LDLRAD3: variants seen among roughly 807,000 people sequenced by gnomAD.
The protein encoded by LDLRAD3 is low density lipoprotein receptor class A domain containing 3.
In LDLRAD3, 20 loss-of-function variants were observed where a neutral mutation model predicts 29.4. The observed-to-expected ratio is 0.68, with a 90% CI of 0.48 to 0.99. The LOEUF (loss-of-function observed/expected upper bound fraction) is 0.99, where lower values mean the gene tolerates loss of function less well. LDLRAD3 is among the 50% of genes least tolerant of loss of function. The probability of loss-of-function intolerance (pLI) is 0.00; values close to 1 mark genes in which losing one functional copy is unlikely to be tolerated. For missense variants in LDLRAD3, 420 were observed against 454.3 expected (o/e 0.92, Z 0.69); for synonymous variants, 157 against 192.7 (o/e 0.81, Z 1.53).
At chr11:36,183,564 A>G (rs1211366925) in intron 4 of LDLRAD3, among the ~76,000 whole-genome samples, 1 of 152,186 alleles carries the variant, frequency 6.6e-6, no homozygotes, top group Non-Finnish European at 1.5e-5. Flanking sequence ...TACCACCTAG[A>G]TGTCACTACT....
intron 3 of LDLRAD3, among the ~76,000 whole-genome samples, chr11:36,090,913 T>C (rs1242662577): frequency 1.3e-5 from 2 of 151,912 alleles, no homozygotes; most frequent in Admixed American, 6.6e-5. Context: ...TGAGCAGACT[T>C]AGGAAGGAGG....
intron 2 of LDLRAD3, among the ~76,000 whole-genome samples, chr11:36,041,169 A>G (rs1476915975): frequency 6.6e-6 from 1 of 152,254 alleles, no homozygotes; most frequent in African/African-American, 2.4e-5. Flanking sequence ...TACAAAAACG[A>G]GGAAGCTCCA....
At chr11:36,023,886 A>G (rs1328476350) in intron 1 of LDLRAD3, among the ~76,000 whole-genome samples, 4 of 152,190 alleles carry the variant, frequency 2.6e-5, no homozygotes, top group East Asian at 1.9e-4. Context: ...TTTGGCTGCT[A>G]TTAAAGAGAT....
chr11:36,114,122 T>A (rs1853642514), intron 4 of LDLRAD3, among the ~76,000 whole-genome samples: 1 of 152,240 alleles, frequency 6.6e-6, no homozygotes, highest in Admixed American at 6.5e-5. Flanking sequence ...GGTCAAAGGT[T>A]AGCTTATGCA....
intron 4 of LDLRAD3, among the ~76,000 whole-genome samples, chr11:36,121,696 G>A (rs959220785): frequency 1.3e-5 from 2 of 152,220 alleles, no homozygotes; most frequent in Admixed American, 1.3e-4. Flanking sequence ...AGCTTGATGA[G>A]CTATCTGTTA....
chr11:36,159,061 T>G (rs370924655), intron 4 of LDLRAD3, among the ~76,000 whole-genome samples: 2 of 152,178 alleles, frequency 1.3e-5, no homozygotes, highest in African/African-American at 4.8e-5. Context: ...TTTCTTAAAT[T>G]GTGGAAATTA....
intron 1 of LDLRAD3, among the ~76,000 whole-genome samples, chr11:36,033,729 C>T (rs1210053144): frequency 6.6e-6 from 1 of 152,130 alleles, no homozygotes; most frequent in Non-Finnish European, 1.5e-5. Flanking sequence ...GGCTAGTATC[C>T]AGTACCTGGC....
intron 4 of LDLRAD3, among the ~76,000 whole-genome samples, chr11:36,161,014 T>C (rs770906485): frequency 7.9e-5 from 12 of 152,214 alleles, no homozygotes; most frequent in South Asian, 4.2e-4. Context: ...AGGCTGGTCT[T>C]GAACGCCTGA....
chr11:36,120,851 G>A (rs2133295858), intron 4 of LDLRAD3, among the ~76,000 whole-genome samples: 1 of 152,282 alleles, frequency 6.6e-6, no homozygotes, highest in Non-Finnish European at 1.5e-5. Context: ...CCTCATCGAT[G>A]CCCTTAGAAA....
At chr11:36,138,984 A>G (rs1854040410) in intron 4 of LDLRAD3, among the ~76,000 whole-genome samples, 1 of 152,194 alleles carries the variant, frequency 6.6e-6, no homozygotes, top group Non-Finnish European at 1.5e-5. Context: ...CCTTGGCTTA[A>G]GCCAGATAAA....
At chr11:36,105,273 G>A (rs1025093526) in intron 4 of LDLRAD3, among the ~76,000 whole-genome samples, 11 of 150,846 alleles carry the variant, frequency 7.3e-5, no homozygotes, top group African/African-American at 2.2e-4. Context: ...AAGACAAGGC[G>A]GTGTGTGTGG....
chr11:36,068,241 C>T (rs1400043266), intron 2 of LDLRAD3, among the ~76,000 whole-genome samples: 1 of 152,158 alleles, frequency 6.6e-6, no homozygotes, highest in Non-Finnish European at 1.5e-5. Flanking sequence ...TGATTTCCAC[C>T]TCATTTTTCT....
chr11:36,189,377 G>C (rs925636554), intron 4 of LDLRAD3, among the ~76,000 whole-genome samples: 6 of 152,040 alleles, frequency 3.9e-5, no homozygotes, highest in African/African-American at 1.4e-4. Flanking sequence ...CCAGCTACAT[G>C]AGAGGCTGAG....
intron 1 of LDLRAD3, among the ~76,000 whole-genome samples, chr11:36,019,987 G>A (rs1484379212): frequency 1.3e-5 from 2 of 152,242 alleles, no homozygotes; most frequent in Non-Finnish European, 2.9e-5. Flanking sequence ...CTGGCTCTGT[G>A]GGCATGGGTC....
At chr11:36,143,120 G>A (rs758212539) in intron 4 of LDLRAD3, among the ~76,000 whole-genome samples, 1 of 152,218 alleles carries the variant, frequency 6.6e-6, no homozygotes, top group African/African-American at 2.4e-5. Flanking sequence ...CTTTACAGAT[G>A]AGGACATTGA....
chr11:36,189,665 G>T (rs563942567), intron 4 of LDLRAD3, among the ~76,000 whole-genome samples: 10 of 151,844 alleles, frequency 6.6e-5, no homozygotes, highest in Non-Finnish European at 1.0e-4. Flanking sequence ...TGCCATGTTG[G>T]TGTGCTGCAC....
In LDLRAD3 at chr11:36,098,537, G is replaced by A. The variant is rs1853398988; in HGVS notation, c.454+76G>A. On this transcript the variant is annotated intron_variant, in intron 4 of 5. Transcript: ENST00000315571. Reference sequence around the variant, plus strand: ...AATGGAACACCCTGAAAGGCAGAAAGCAACACCCATTCCCATTCCAAACAC... The same window carrying A: ...AATGGAACACCCTGAAAGGCAGAAAACAACACCCATTCCCATTCCAAACAC... The A allele has an allele frequency of 7.8e-6, 12 of 1,535,808 alleles. No homozygotes were observed. The South Asian group carries it at 8.2e-5, about 10-fold the overall frequency.
At chr11:36,084,347 G>A (rs1054361761) in intron 3 of LDLRAD3, among the ~76,000 whole-genome samples, 1 of 152,160 alleles carries the variant, frequency 6.6e-6, no homozygotes, top group Non-Finnish European at 1.5e-5. Flanking sequence ...GCCGGGCGAG[G>A]TGGGGCACCC....
rs118140803 is a variant in LDLRAD3, at chr11:35,971,064, A to G, written c.46+26920A>G. Among the ~76,000 whole-genome samples, 446 of 152,276 alleles carry G rather than the reference A, an allele frequency of 2.9e-3. 3 individuals are homozygous for G. The highest frequency in any genetic ancestry group is 0.011 in the South Asian group (51 of 4,818). ...TGCAGAGAGTTTAGACAGCTTGCCC[A>G]AAGTCTATCTGTAGTTGGAAGAAGC... On this transcript the variant is annotated intron_variant, in intron 1 of 5. Transcript: ENST00000315571.
Sources: gnomAD v4.1 joint callset for allele counts (sites outside exome capture counted in the v4.1 genomes callset) on GRCh38, gnomAD v4.1.1 for gene constraint, MANE v1.5 for transcripts, NCBI Gene and HGNC (gene_info 2026-07-23, HGNC 2026-07-21) for gene names.